The following ZDHHC8 variants were observed in gnomAD, a reference collection of about 807,000 sequenced individuals.
The protein encoded by ZDHHC8 is palmitoyltransferase ZDHHC8.
In ZDHHC8, 24 loss-of-function variants were observed where a neutral mutation model predicts 61.2. The ratio of observed to expected loss-of-function variants is 0.39; its 90% CI spans 0.28 to 0.55. The LOEUF is 0.55. Ranked by LOEUF, ZDHHC8 falls within the 20% of genes least tolerant of loss-of-function variation. ZDHHC8 has a pLI of 0.60. For missense variants in ZDHHC8, 935 were observed against 1,102.1 expected (o/e 0.85, Z 2.15); for synonymous variants, 523 against 492.5 (o/e 1.06, Z -0.82).
In ZDHHC8 at chr22:20,132,004, G is replaced by C; in HGVS notation, c.57G>C (p.Thr19=). The C allele has an allele frequency of 7.2e-6, 10 of 1,386,302 alleles. No homozygotes were observed. Among genetic ancestry groups the C allele is most frequent in the Non-Finnish European group, 9.5e-6 (10 of 1,054,346 alleles). 85.9% of individuals were successfully genotyped at this position (1,386,302 alleles called of 1,614,324 possible). ...LKPAKYIPVA[T]AAALLVGSST... is the part of the protein sequence containing the mutation. Reference sequence around the variant, plus strand: ...CCGCCAAGTACATCCCGGTGGCCACGGCCGCCGCGCTGCTGGTCGGCTCCA... The same window carrying C: ...CCGCCAAGTACATCCCGGTGGCCACCGCCGCCGCGCTGCTGGTCGGCTCCA... The change falls in exon 1 of 11, where the codon ACG becomes ACC. Residue 19 remains threonine (T), a synonymous_variant. Coordinates refer to ENST00000334554, the MANE Select transcript of ZDHHC8 (RefSeq NM_013373.4).
intron 9 of ZDHHC8, 141 bp downstream of exon 9, chr22:20,141,671 G>A: frequency 1.4e-6 from 1 of 726,742 alleles, no homozygotes; most frequent in Non-Finnish European, 2.3e-6. Flanking sequence ...CTGAGGCCAT[G>A]CCCCTCAGGG....
chr22:20,135,840 G>A (rs767101855), intron 1 of ZDHHC8, among the ~76,000 whole-genome samples: 8 of 152,274 alleles, frequency 5.3e-5, no homozygotes, highest in Non-Finnish European at 7.3e-5. Flanking sequence ...CTTCTGCCCC[G>A]CCGGTCCCGA....
At chr22:20,142,382 C>G (rs529201757) in intron 9 of ZDHHC8, among the ~76,000 whole-genome samples, 23 of 152,326 alleles carry the variant, frequency 1.5e-4, no homozygotes, top group Admixed American at 9.8e-4. Flanking sequence ...TGATCCACTT[C>G]TGGCTTTGTG....
chr22:20,135,106 ATTTTTTGT>A (rs1326653185), intron 1 of ZDHHC8, among the ~76,000 whole-genome samples: 2 of 151,190 alleles, frequency 1.3e-5, no homozygotes, highest in Admixed American at 6.6e-5. Flanking sequence ...TAATTTATTT[ATTTTTTGT>A]TTTTTTGTTT....
At chr22:20,135,020 C>T (rs1245956052) in intron 1 of ZDHHC8, among the ~76,000 whole-genome samples, 1 of 152,202 alleles carries the variant, frequency 6.6e-6, no homozygotes, top group Non-Finnish European at 1.5e-5. Context: ...CAGTCTCGAC[C>T]TCCTGGGCGC....
chr22:20,140,069 G>T, intron 4 of ZDHHC8, 46 bp from the exon 5 acceptor site: 1 of 1,606,202 alleles, frequency 6.2e-7, no homozygotes. Context: ...CTGCTGCGAT[G>T]GGGTCTGCGG....
intron 1 of ZDHHC8, among the ~76,000 whole-genome samples, chr22:20,138,421 G>C (rs2050439509): frequency 6.6e-6 from 1 of 152,242 alleles, no homozygotes. Flanking sequence ...CTCTTCAGAG[G>C]GGACTCGGGC....
In ZDHHC8 at chr22:20,147,136, C is replaced by A. The variant is rs535710935; in HGVS notation, c.*1736C>A. 1,574 of 1,534,194 alleles carry A rather than the reference C, an allele frequency of 1.0e-3. 1 individual carries two copies. Among genetic ancestry groups the A allele is most frequent in the Non-Finnish European group, 1.3e-3 (1,501 of 1,140,674 alleles). ...GGAGGACCGCCCACCACTGCGGGCCCCCTGGAGCCAGGCCGCCGGGGCACC... is the reference window on the plus strand; with the variant it reads ...GGAGGACCGCCCACCACTGCGGGCCACCTGGAGCCAGGCCGCCGGGGCACC... On this transcript the variant is annotated 3_prime_UTR_variant, in exon 11 of 11. Coordinates refer to ENST00000334554, the MANE Select transcript of ZDHHC8 (RefSeq NM_013373.4).
intron 9 of ZDHHC8, among the ~76,000 whole-genome samples, chr22:20,141,750 C>T (rs1426456143): frequency 6.6e-6 from 1 of 152,200 alleles, no homozygotes; most frequent in Non-Finnish European, 1.5e-5. Context: ...AGAGCTGGGA[C>T]CCACAGAGGG....
chr22:20,144,154 G>A (rs946361468), intron 10 of ZDHHC8, among the ~76,000 whole-genome samples: 51 of 152,114 alleles, frequency 3.4e-4, no homozygotes, highest in African/African-American at 1.2e-3. Context: ...GGCTCTCCCT[G>A]GGCCTGCTTG....
At chr22:20,140,760 G>A (rs753707030) in intron 6 of ZDHHC8, 52 bp downstream of exon 6, 124 of 1,595,054 alleles carry the variant, frequency 7.8e-5, no homozygotes, top group Non-Finnish European at 9.5e-5. Context: ...GGTGTGGGGC[G>A]GGCAGCCTTA....
chr22:20,131,875 C>G lies in ZDHHC8; in HGVS notation c.-73C>G. 1 of 510,640 alleles carries G rather than the reference C, an allele frequency of 2.0e-6. No individual in the cohort carries two copies. Among genetic ancestry groups the G allele is most frequent in the Non-Finnish European group, 2.5e-6 (1 of 398,184 alleles). 31.6% of individuals were successfully genotyped at this position (510,640 alleles called of 1,614,324 possible). On this transcript the variant is annotated 5_prime_UTR_variant, in exon 1 of 11. Coordinates refer to ENST00000334554, the MANE Select transcript of ZDHHC8 (RefSeq NM_013373.4). The stretch of plus-strand genomic sequence containing the variant: ...CCTGCGCCGCGTCCAGCCCGCCCGC[C>G]CGACCCCGGCCCGACCCCGGCCGGC...
chr22:20,139,597 C>T lies in ZDHHC8; in HGVS notation c.346C>T (p.Arg116Cys). ...CATCHFYRPP[R>C]CSHCSVCDNC... ...CACGTGCCACTTCTACCGCCCGCCGCGCTGCTCCCACTGCAGCGTCTGTGA... is the reference window on the plus strand; with the variant it reads ...CACGTGCCACTTCTACCGCCCGCCGTGCTGCTCCCACTGCAGCGTCTGTGA... Residue 116 changes from arginine to cysteine, a missense_variant, in exon 3 of 11, where the codon CGC (arginine) becomes TGC (cysteine). Physicochemically the swap from Arg to Cys is radical, Grantham distance 180 (BLOSUM62 -3). Around this residue, in one of 3 missense-constraint regions of ZDHHC8, gnomAD observed 199 missense variants for 334.0 expected, o/e 0.60. Coordinates refer to ENST00000334554, the MANE Select transcript of ZDHHC8 (RefSeq NM_013373.4). The T allele has an allele frequency of 6.2e-7, 1 of 1,613,184 alleles. No homozygotes were observed. The highest frequency in any genetic ancestry group is 8.5e-7 in the Non-Finnish European group (1 of 1,180,006).
chr22:20,140,074 C>T, intron 4 of ZDHHC8, 41 bp from the exon 5 acceptor site: 2 of 1,607,968 alleles, frequency 1.2e-6, no homozygotes, highest in Non-Finnish European at 1.7e-6. Flanking sequence ...GCGATGGGGT[C>T]TGCGGTGTCC....
rs773768153 is a variant in ZDHHC8 at position 20,146,304 on chromosome 22, G to C, written c.*904G>C. On this transcript the variant is annotated 3_prime_UTR_variant, in exon 11 of 11. Transcript: ENST00000334554. ...GCCTGGCTGCGGTGCTCGCGCCGTGGGAAAGCACACTGGGGAGGGGTCAGT... is the reference window on the plus strand; with the variant it reads ...GCCTGGCTGCGGTGCTCGCGCCGTGCGAAAGCACACTGGGGAGGGGTCAGT... The C allele has an allele frequency of 3.3e-5, 33 of 985,654 alleles. No individual in the cohort carries two copies. The highest frequency in any genetic ancestry group is 3.9e-5 in the Non-Finnish European group (32 of 829,950). The allele number at this position is 985,654 out of a possible 1,614,324, so 61.1% of individuals were successfully genotyped here. A position where few individuals can be genotyped will look rare whatever the true frequency, so the allele number is the denominator to read the frequency against.
In ZDHHC8 at chr22:20,141,201, C is replaced by G. The variant is rs750067701; in HGVS notation, c.895-16C>G. 6.2e-7 allele frequency: 1 copy of G among 1,606,960 alleles called. No homozygotes were observed. The highest frequency in any genetic ancestry group is 8.5e-7 in the Non-Finnish European group (1 of 1,177,292). ...TCATCCAAGCCCCACACACCACTGA[C>G]CCCGCTCCCTCCCAGTCCAAGGGCA... On this transcript the variant is annotated splice_polypyrimidine_tract_variant and intron_variant, in intron 7 of 10. Transcript: ENST00000334554.
rs1024782713 is a variant in ZDHHC8, at chr22:20,136,664, A to G, written c.105-2530A>G. The stretch of plus-strand genomic sequence containing the variant: ...GTGATGTGCAGGCGTGTCTGCGTTC[A>G]TGCATGTGCACCAGTGTGTGCACGT... On this transcript the variant is annotated intron_variant, in intron 1 of 10. Coordinates refer to ENST00000334554, the MANE Select transcript of ZDHHC8 (RefSeq NM_013373.4). Among the ~76,000 whole-genome samples the G allele has an allele frequency of 4.6e-5, 7 of 152,162 alleles. No homozygotes were observed. The South Asian group carries it at 1.2e-3, about 27-fold the overall frequency.
Position 20,146,924 on chromosome 22 carries a change from G to T in ZDHHC8, c.*1524G>T. On this transcript the variant is annotated 3_prime_UTR_variant, in exon 11 of 11. Transcript: ENST00000334554. ...GCTGTTCAGGGCTGAGACATTCTGG[G>T]CTGGGGCTGTCCCAGCGTGGGAGGC... 1 of 1,348,158 alleles carries T rather than the reference G, an allele frequency of 7.4e-7. No individual in the cohort carries two copies. Among genetic ancestry groups the T allele is most frequent in the Non-Finnish European group, 9.5e-7 (1 of 1,054,326 alleles). 83.5% of individuals were successfully genotyped at this position (1,348,158 alleles called of 1,614,324 possible). A position where few individuals can be genotyped will look rare whatever the true frequency, so the allele number is the denominator to read the frequency against.
intron 1 of ZDHHC8, among the ~76,000 whole-genome samples, chr22:20,137,175 C>T (rs888299930): frequency 9.9e-5 from 15 of 152,234 alleles, no homozygotes; most frequent in Admixed American, 3.3e-4. Context: ...AGGAGGGACC[C>T]GGTCACACTG....
Sources: gnomAD v4.1 joint callset for allele counts (sites outside exome capture counted in the v4.1 genomes callset) on GRCh38, gnomAD v4.1.1 for gene constraint, gnomAD v4.1.1 regional missense constraint, MANE v1.5 for transcripts, NCBI Gene and HGNC (gene_info 2026-07-23, HGNC 2026-07-21) for gene names.